RBFOX1: variants seen among roughly 807,000 people sequenced by gnomAD.
The protein encoded by RBFOX1 is RNA binding protein fox-1 homolog 1.
RBFOX1 carries 8 observed loss-of-function variants against 57.7 expected under a neutral mutation model. The observed-to-expected ratio is 0.14, with a 90% CI of 0.08 to 0.25. The LOEUF is 0.25. Ranked by LOEUF, RBFOX1 falls within the 10% of genes least tolerant of loss-of-function variation. The pLI is 1.00. For missense variants in RBFOX1, 611 were observed against 548.5 expected, an observed-to-expected ratio of 1.11 and a Z score of -1.14; for synonymous variants, 326 against 222.4, an observed-to-expected ratio of 1.47 and a Z score of -4.15.
chr16:5,401,740 T>C (rs1307444411), intron 1 of RBFOX1, among the ~76,000 whole-genome samples: 4 of 129,792 alleles, frequency 3.1e-5, no homozygotes, highest in East Asian at 2.3e-4. Context: ...CCTGTCTCTT[T>C]TTCTCTCTCT....
chr16:7,209,272 T>A (rs1603207055), intron 4 of RBFOX1, among the ~76,000 whole-genome samples: 1 of 151,796 alleles, frequency 6.6e-6, no homozygotes, highest in Non-Finnish European at 1.5e-5. Context: ...GAGGCAGAGG[T>A]TGCAGTGAGC....
intron 1 of RBFOX1, among the ~76,000 whole-genome samples, chr16:6,293,685 C>G (rs961348895): frequency 2.6e-5 from 4 of 152,154 alleles, no homozygotes; most frequent in African/African-American, 9.7e-5. Context: ...GGGGCTAGTT[C>G]AGCCCTCGTC....
At chr16:6,100,132 G>C (rs114538416) in intron 1 of RBFOX1, among the ~76,000 whole-genome samples, 2,790 of 152,094 alleles carry the variant, frequency 0.018, 82 homozygotes, top group South Asian at 0.064. Context: ...CAGGCTTATT[G>C]CATTATTGTT....
intron 2 of RBFOX1, among the ~76,000 whole-genome samples, chr16:6,516,594 C>G: frequency 6.6e-6 from 1 of 152,026 alleles, no homozygotes; most frequent in East Asian, 1.9e-4. Context: ...TTCATAAAAC[C>G]CAACACTTTC....
At chr16:7,183,035 A>G (rs927797878) in intron 4 of RBFOX1, among the ~76,000 whole-genome samples, 1 of 152,182 alleles carries the variant, frequency 6.6e-6, no homozygotes, top group Non-Finnish European at 1.5e-5. Context: ...ATGGGCACAC[A>G]ACAATATTTT....
intron 2 of RBFOX1, among the ~76,000 whole-genome samples, chr16:6,438,723 C>T (rs2094301724): frequency 6.6e-6 from 1 of 152,156 alleles, no homozygotes; most frequent in African/African-American, 2.4e-5. Context: ...TAGACATTTC[C>T]TGAGCCTGTA....
intron 5 of RBFOX1, among the ~76,000 whole-genome samples, chr16:7,535,401 C>T (rs984851422): frequency 2.6e-5 from 4 of 152,178 alleles, no homozygotes; most frequent in Non-Finnish European, 5.9e-5. Flanking sequence ...ACCAAGTTTC[C>T]AGACATCTCG....
At chr16:6,872,093 T>A (rs966151286) in intron 3 of RBFOX1, among the ~76,000 whole-genome samples, 1 of 152,162 alleles carries the variant, frequency 6.6e-6, no homozygotes, top group Non-Finnish European at 1.5e-5. Context: ...TTTCACAGCA[T>A]AATTGTAATG....
intron 1 of RBFOX1, among the ~76,000 whole-genome samples, chr16:5,243,723 C>A (rs2062226753): frequency 6.6e-6 from 1 of 152,070 alleles, no homozygotes; most frequent in African/African-American, 2.4e-5. Context: ...GAGCTTGGGT[C>A]CCTGCTGTAC....
intron 3 of RBFOX1, among the ~76,000 whole-genome samples, chr16:6,662,757 A>T (rs1473879464): frequency 4.6e-5 from 7 of 152,248 alleles, no homozygotes; most frequent in Admixed American, 2.0e-4. Context: ...TCTGGCTATA[A>T]CCGAATGACA....
intron 4 of RBFOX1, among the ~76,000 whole-genome samples, chr16:7,349,973 C>T (rs887436025): frequency 8.5e-5 from 13 of 152,078 alleles, no homozygotes; most frequent in African/African-American, 3.1e-4. Context: ...ATGGTGAAAC[C>T]TCATTTCTAC....
intron 4 of RBFOX1, among the ~76,000 whole-genome samples, chr16:5,994,312 C>T (rs540602889): frequency 6.6e-6 from 1 of 152,318 alleles, no homozygotes; most frequent in East Asian, 1.9e-4. Context: ...TAGGCATGTG[C>T]CAACATGCCT....
At chr16:5,895,110 A>G (rs1054240113) in intron 4 of RBFOX1, among the ~76,000 whole-genome samples, 8 of 152,202 alleles carry the variant, frequency 5.3e-5, no homozygotes, top group Admixed American at 1.3e-4. Context: ...ATCCACATTT[A>G]AGGGGTATTT....
intron 1 of RBFOX1, among the ~76,000 whole-genome samples, chr16:5,263,336 A>C (rs1043601756): frequency 6.6e-6 from 1 of 152,102 alleles, no homozygotes; most frequent in African/African-American, 2.4e-5. Flanking sequence ...TTACTTTTGC[A>C]CCAACCTAAT....
chr16:6,463,664 T>A (rs1053423282), intron 2 of RBFOX1, among the ~76,000 whole-genome samples: 11 of 152,116 alleles, frequency 7.2e-5, no homozygotes, highest in African/African-American at 2.7e-4. Context: ...TGAGCACCGG[T>A]CTCGTTCACC....
chr16:6,115,830 C>T (rs752542201), intron 1 of RBFOX1, among the ~76,000 whole-genome samples: 12 of 152,174 alleles, frequency 7.9e-5, no homozygotes, highest in Non-Finnish European at 1.3e-4. Flanking sequence ...CAGGCCTCTG[C>T]TCTCCTGAGC....
chr16:6,878,418 A>G (rs767419085), intron 3 of RBFOX1, among the ~76,000 whole-genome samples: 122 of 152,206 alleles, frequency 8.0e-4, no homozygotes, highest in Admixed American at 2.2e-3. Context: ...ATTTTCCTTC[A>G]TCCAAGATTG....
At position 6,356,312 on chromosome 16, in the gene RBFOX1, C is replaced by T. The variant is rs188940606; in HGVS notation, c.-64+39255C>T. ...ATCCTCAGCCAACAGATCAGGGTCACGTCAGCCAGCATGTCACATTAATTG... is the reference window on the plus strand; with the variant it reads ...ATCCTCAGCCAACAGATCAGGGTCATGTCAGCCAGCATGTCACATTAATTG... On this transcript the variant is annotated intron_variant, in intron 2 of 15. Transcript: ENST00000550418. Among the ~76,000 whole-genome samples the T allele has an allele frequency of 3.3e-5, 5 of 152,162 alleles. No individual in the cohort carries two copies. In the East Asian group the frequency reaches 5.8e-4, roughly 18 times the overall value.
At chr16:5,988,955 GCTGTGTGAC>G (rs760200691) in intron 4 of RBFOX1, among the ~76,000 whole-genome samples, 1 of 152,064 alleles carries the variant, frequency 6.6e-6, no homozygotes, top group Non-Finnish European at 1.5e-5. Context: ...TCCTGCATCT[GCTGTGTGAC>G]CTTGGGTGAG....
Sources: gnomAD v4.1 joint callset for allele counts (sites outside exome capture counted in the v4.1 genomes callset) on GRCh38, gnomAD v4.1.1 for gene constraint, MANE v1.5 for transcripts, NCBI Gene and HGNC (gene_info 2026-07-23, HGNC 2026-07-21) for gene names.